The following MAML3 variants were observed in gnomAD, a reference collection of about 807,000 sequenced individuals.
MAML3 encodes the protein mastermind-like protein 3.
In MAML3, 27 loss-of-function variants were observed where a neutral mutation model predicts 101.9. That is an observed-to-expected ratio of 0.27 (90% CI 0.20 to 0.37). The LOEUF is 0.37. Among genes scored for constraint, MAML3 ranks in the 10% least tolerant of loss-of-function variants. MAML3 has a pLI of 1.00. For synonymous variants in MAML3, 501 were observed against 555.9 expected (o/e 0.90, Z 1.39); for missense variants, 1,316 against 1,444.9 (o/e 0.91, Z 1.45).
intron 2 of MAML3, among the ~76,000 whole-genome samples, chr4:139,860,302 G>T (rs539340415): frequency 1.3e-4 from 20 of 152,316 alleles, no homozygotes; most frequent in Admixed American, 2.6e-4. Context: ...TAGTCCCCTG[G>T]GTTCCCAGAA....
At position 140,035,277 on chromosome 4, in the gene MAML3, C is replaced by T. The variant is rs145788356; in HGVS notation, c.468+117583G>A. On this transcript the variant is annotated intron_variant, in intron 1 of 4. Transcript: ENST00000509479. ...GTATGAGCCACCACGCCCGGCCAAGCCAAGGAAATTCTAAGGTGAAACCCT... is the reference window on the plus strand; with the variant it reads ...GTATGAGCCACCACGCCCGGCCAAGTCAAGGAAATTCTAAGGTGAAACCCT... Among the ~76,000 whole-genome samples the T allele has an allele frequency of 5.3e-5, 8 of 152,142 alleles. No homozygotes were observed. The East Asian group carries it at 1.5e-3, about 29-fold the overall frequency.
At chr4:140,133,800 G>C (rs973290387) in intron 1 of MAML3, among the ~76,000 whole-genome samples, 1 of 152,050 alleles carries the variant, frequency 6.6e-6, no homozygotes, top group Non-Finnish European at 1.5e-5. Flanking sequence ...TCTCACTGTC[G>C]CTCCACTCAT....
At chr4:140,104,560 C>T (rs1305968604) in intron 1 of MAML3, among the ~76,000 whole-genome samples, 5 of 147,212 alleles carry the variant, frequency 3.4e-5, no homozygotes, top group African/African-American at 1.0e-4. Flanking sequence ...GCAACCTCCA[C>T]CTCCTGGGCT....
intron 2 of MAML3, among the ~76,000 whole-genome samples, chr4:139,755,933 C>A (rs757637820): frequency 1.3e-5 from 2 of 152,182 alleles, no homozygotes; most frequent in Non-Finnish European, 2.9e-5. Flanking sequence ...ATAGTTTTTG[C>A]AAATTTGAAG....
intron 1 of MAML3, among the ~76,000 whole-genome samples, chr4:140,133,851 T>C (rs1728837468): frequency 6.6e-6 from 1 of 152,224 alleles, no homozygotes; most frequent in African/African-American, 2.4e-5. Flanking sequence ...TGTCTCATTC[T>C]GTAAACATAA....
intron 1 of MAML3, among the ~76,000 whole-genome samples, chr4:140,070,230 A>G (rs1223318308): frequency 3.9e-5 from 6 of 152,202 alleles, no homozygotes; most frequent in African/African-American, 1.4e-4. Flanking sequence ...TCCAGCTTCA[A>G]TATTTCCCAC....
At position 139,741,290 on chromosome 4, in the gene MAML3, G is replaced by A. The variant is rs151070258; in HGVS notation, c.2080-10623C>T. Among the ~76,000 whole-genome samples, 296 of 152,294 alleles carry A rather than the reference G, an allele frequency of 1.9e-3. 1 individual carries two copies. The highest frequency in any genetic ancestry group is 6.8e-3 in the African/African-American group (284 of 41,560). On this transcript the variant is annotated intron_variant, in intron 2 of 4. Transcript: ENST00000509479. ...TAGGAGAAGGGCTCATACCTGGTCC[G>A]TGAGGGCCTATGGGGGATCAGGGCA...
Position 140,011,121 on chromosome 4 carries a change from G to GTATA in MAML3, c.469-120158_469-120155dup, listed in dbSNP as rs376689121. On this transcript the variant is annotated intron_variant, in intron 1 of 4. Coordinates refer to ENST00000509479, the MANE Select transcript of MAML3 (RefSeq NM_018717.5). ...TCGAAAAAAAAAAAAAAGTGTGTGTGTATATATATATATATACACATATGT... is the reference window on the plus strand; with the variant it reads ...TCGAAAAAAAAAAAAAAGTGTGTGTGTATATATATATATATATATACACATATGT... Among the ~76,000 whole-genome samples the GTATA allele has an allele frequency of 3.6e-3, 232 of 65,104 alleles. 2 individuals carry two copies. The highest frequency in any genetic ancestry group is 9.7e-3 in the African/African-American group (228 of 23,620). The allele number at this position is 65,104 out of a possible 152,430, so 42.7% of individuals were successfully genotyped here. A position where few individuals can be genotyped will look rare whatever the true frequency, so the allele number is the denominator to read the frequency against.
intron 2 of MAML3, among the ~76,000 whole-genome samples, chr4:139,865,207 T>C (rs3106323): frequency 0.54 from 81,888 of 151,950 alleles, 24,609 homozygotes; most frequent in African/African-American, 0.8. Context: ...CTTCACTTTA[T>C]TTGTCTAAAT....
chr4:139,772,854 C>T (rs1416233007), intron 2 of MAML3, among the ~76,000 whole-genome samples: 1 of 148,114 alleles, frequency 6.8e-6, no homozygotes, highest in Admixed American at 6.8e-5. Flanking sequence ...CCGAGGAGGG[C>T]AGATCACGAA....
At chr4:140,103,509 T>G (rs1728285282) in intron 1 of MAML3, among the ~76,000 whole-genome samples, 2 of 152,348 alleles carry the variant, frequency 1.3e-5, no homozygotes, top group South Asian at 4.1e-4. Flanking sequence ...TGTGTGTGTT[T>G]GTTGTGCTTC....
At chr4:140,006,983 T>G (rs1259322335) in intron 1 of MAML3, among the ~76,000 whole-genome samples, 1 of 152,126 alleles carries the variant, frequency 6.6e-6, no homozygotes, top group African/African-American at 2.4e-5. Context: ...TTCATAAGCT[T>G]TTTGGTAAAA....
At chr4:139,787,929 ACT>A (rs1730334563) in intron 2 of MAML3, among the ~76,000 whole-genome samples, 1 of 152,106 alleles carries the variant, frequency 6.6e-6, no homozygotes, top group South Asian at 2.1e-4. Context: ...TTTGTACTTA[ACT>A]CTCTACTTTA....
chr4:139,997,041 G>A (rs557447471), intron 1 of MAML3, among the ~76,000 whole-genome samples: 1 of 151,132 alleles, frequency 6.6e-6, no homozygotes. Flanking sequence ...TGGTGACAGA[G>A]CAAGACTCCG....
chr4:140,079,137 C>G (rs567714856), intron 1 of MAML3, among the ~76,000 whole-genome samples: 248 of 152,210 alleles, frequency 1.6e-3, no homozygotes, highest in African/African-American at 5.8e-3. Flanking sequence ...ACCTCTGACT[C>G]AGTTTCCAGA....
rs189606757 is a variant in MAML3 at position 139,966,177 on chromosome 4, C to T, written c.469-75210G>A. Among the ~76,000 whole-genome samples the T allele has an allele frequency of 4.1e-3, 625 of 152,230 alleles. 1 individual carries two copies. The highest frequency in any genetic ancestry group is 7.2e-3 in the Non-Finnish European group (490 of 68,004). On this transcript the variant is annotated intron_variant, in intron 1 of 4. Coordinates refer to ENST00000509479, the MANE Select transcript of MAML3 (RefSeq NM_018717.5). ...AAAAAATTGCTTCCAATCAAGTCTT[C>T]CTGCTTGCTTTCATTGTATTCACTT...
chr4:140,043,716 TTC>T (rs1441314008), intron 1 of MAML3, among the ~76,000 whole-genome samples: 1 of 152,218 alleles, frequency 6.6e-6, no homozygotes, highest in Non-Finnish European at 1.5e-5. Flanking sequence ...CCCACCTAGA[TTC>T]AGCTCTTGGG....
At chr4:139,798,036 GAAAGAAAGAA>G (rs768648041) in intron 2 of MAML3, among the ~76,000 whole-genome samples, 3 of 7,808 alleles carry the variant, frequency 3.8e-4, no homozygotes, top group Admixed American at 2.1e-3. Context: ...GAGAGAGAGA[GAAAGAAAGAA>G]AGAAAGAAAG....
At chr4:139,832,395 A>C (rs1013163702) in intron 2 of MAML3, among the ~76,000 whole-genome samples, 1 of 151,812 alleles carries the variant, frequency 6.6e-6, no homozygotes, top group Non-Finnish European at 1.5e-5. Flanking sequence ...TACAAACGTG[A>C]GCCACCGCAC....
Sources: allele counts gnomAD v4.1 joint callset (sites outside exome capture counted in the v4.1 genomes callset), GRCh38; gene constraint gnomAD v4.1.1; transcripts MANE v1.5; gene names NCBI Gene and HGNC (gene_info 2026-07-23, HGNC 2026-07-21).